QKI: variants seen among roughly 807,000 people sequenced by gnomAD.
QKI encodes KH domain-containing RNA-binding protein QKI.
A neutral mutation model predicts 39.0 loss-of-function variants in QKI; 10 were observed. That is an observed-to-expected ratio of 0.26 (90% CI 0.16 to 0.43). The LOEUF (loss-of-function observed/expected upper bound fraction) is 0.43, where lower values mean the gene tolerates loss of function less well. QKI is among the 20% of genes least tolerant of loss of function. QKI has a pLI of 1.00. For missense variants in QKI, 218 were observed against 428.0 expected (o/e 0.51, Z 4.33); for synonymous variants, 204 against 155.4 (o/e 1.31, Z -2.33).
At chr6:163,538,510 G>A (rs1278207597) in intron 4 of QKI, among the ~76,000 whole-genome samples, 1 of 152,162 alleles carries the variant, frequency 6.6e-6, no homozygotes, top group Admixed American at 6.6e-5. Context: ...AGGAGGTGAG[G>A]TCGGTGGGGA....
At chr6:163,459,249 G>A (rs904469523) in intron 2 of QKI, among the ~76,000 whole-genome samples, 24 of 152,258 alleles carry the variant, frequency 1.6e-4, no homozygotes, top group African/African-American at 5.3e-4. Context: ...GGTATAAGGC[G>A]TCTGCTCTTG....
intron 3 of QKI, among the ~76,000 whole-genome samples, chr6:163,496,528 T>TCC (rs2128230188): frequency 6.6e-6 from 1 of 152,280 alleles, no homozygotes; most frequent in South Asian, 2.1e-4. Context: ...TTTCCATTCT[T>TCC]CCGCCCTTTT....
chr6:163,416,680 CAACTT>C (rs1426536213), intron 1 of QKI, among the ~76,000 whole-genome samples: 3 of 152,138 alleles, frequency 2.0e-5, no homozygotes, highest in Admixed American at 6.5e-5. Flanking sequence ...GTCATAGAAA[CAACTT>C]AAAAGTAGAA....
chr6:163,417,797 A>G (rs1787648011), intron 1 of QKI, among the ~76,000 whole-genome samples: 1 of 152,150 alleles, frequency 6.6e-6, no homozygotes, highest in Non-Finnish European at 1.5e-5. Context: ...TGTGTGGCAT[A>G]TAGTATGTTT....
In QKI at chr6:163,500,930, C is replaced by G. The variant is rs137994726; in HGVS notation, c.402+22034C>G. Among the ~76,000 whole-genome samples, 513 of 152,140 alleles carry G rather than the reference C, an allele frequency of 3.4e-3. 7 individuals are homozygous for G. The highest frequency in any genetic ancestry group is 0.025 in the Admixed American group (384 of 15,272). ...TGATACTTATGAAGTACAAATTCTCCCCTCCAATGTATGCGTGATTCTCCA... is the reference window on the plus strand; with the variant it reads ...TGATACTTATGAAGTACAAATTCTCGCCTCCAATGTATGCGTGATTCTCCA... On this transcript the variant is annotated intron_variant, in intron 3 of 7. Transcript: ENST00000361752.
chr6:163,530,706 G>T (rs1251134912), intron 3 of QKI, among the ~76,000 whole-genome samples: 1 of 152,100 alleles, frequency 6.6e-6, no homozygotes, highest in East Asian at 1.9e-4. Flanking sequence ...TCTGAGGCCT[G>T]ATGTGGAAAA....
chr6:163,561,880 C>A, intron 4 of QKI, 102 bp from the exon 5 acceptor site: 1 of 795,976 alleles, frequency 1.3e-6, no homozygotes. Flanking sequence ...AAACAGGTGA[C>A]TGTAGTCACA....
At chr6:163,498,206 AT>A (rs1203709306) in intron 3 of QKI, among the ~76,000 whole-genome samples, 3 of 150,458 alleles carry the variant, frequency 2.0e-5, no homozygotes, top group South Asian at 4.2e-4. Context: ...AAAAAAAAAA[AT>A]GTATATGTGG....
At chr6:163,567,527 A>G in intron 7 of QKI, 1 of 984,382 alleles carries the variant, frequency 1.0e-6, no homozygotes, top group Non-Finnish European at 1.2e-6. Context: ...GTGTGAATAT[A>G]ATTTTTGACT....
chr6:163,528,445 A>G (rs913715459), intron 3 of QKI, among the ~76,000 whole-genome samples: 1 of 152,052 alleles, frequency 6.6e-6, no homozygotes, highest in Non-Finnish European at 1.5e-5. Flanking sequence ...CTGGCTAGGT[A>G]TGGTAGCTTG....
intron 3 of QKI, among the ~76,000 whole-genome samples, chr6:163,509,761 G>T (rs754694498): frequency 6.6e-6 from 1 of 152,022 alleles, no homozygotes; most frequent in African/African-American, 2.4e-5. Context: ...TCAAAGTCCG[G>T]AAGGGAAGCT....
intron 2 of QKI, among the ~76,000 whole-genome samples, chr6:163,468,730 A>G (rs1369864564): frequency 2.6e-5 from 4 of 152,138 alleles, no homozygotes; most frequent in Admixed American, 1.3e-4. Flanking sequence ...TTGGCCTTTA[A>G]AGTTGCACTT....
chr6:163,487,461 T>C (rs1430417343), intron 3 of QKI, among the ~76,000 whole-genome samples: 3 of 152,230 alleles, frequency 2.0e-5, no homozygotes, highest in Admixed American at 6.5e-5. Flanking sequence ...AAATTATTTA[T>C]CCTCAAATAT....
At position 163,563,356 on chromosome 6, in the gene QKI, T is replaced by C. The variant is rs540998826; in HGVS notation, c.635-64T>C. ...TTCCTTTCTTTTTCCTACTCCCTTC[T>C]CATTTTTCCGTATTTTATACTGCTG... is the stretch of plus-strand genomic sequence containing the variant. On this transcript the variant is annotated intron_variant, in intron 5 of 7. Transcript: ENST00000361752. 12 of 1,406,684 alleles carry C rather than the reference T, an allele frequency of 8.5e-6. No individual in the cohort carries two copies. In the South Asian group the frequency reaches 1.5e-4, roughly 18 times the overall value. 87.1% of individuals were successfully genotyped at this position (1,406,684 alleles called of 1,614,324 possible). A position where few individuals can be genotyped will look rare whatever the true frequency, so the allele number is the denominator to read the frequency against.
chr6:163,517,574 C>T (rs1433641144), intron 3 of QKI, among the ~76,000 whole-genome samples: 2 of 152,240 alleles, frequency 1.3e-5, no homozygotes, highest in East Asian at 3.9e-4. Flanking sequence ...AGCACCACCA[C>T]GTCTGGCTTA....
chr6:163,459,355 G>GA (rs1385204005), intron 2 of QKI, among the ~76,000 whole-genome samples: 1 of 152,174 alleles, frequency 6.6e-6, no homozygotes, highest in Non-Finnish European at 1.5e-5. Context: ...CTAAACTTGG[G>GA]AGAGGGGGTA....
intron 3 of QKI, 66 bp from the exon 4 acceptor site, chr6:163,534,916 A>G (rs1781102609): frequency 7.9e-7 from 1 of 1,262,180 alleles, no homozygotes; most frequent in Non-Finnish European, 1.1e-6. Context: ...ACAGGTTAGT[A>G]TTATGAAAGA....
Position 163,554,793 on chromosome 6 carries a change from A to C in QKI, c.547-7189A>C, listed in dbSNP as rs114298434. Among the ~76,000 whole-genome samples, 867 of 152,332 alleles carry C rather than the reference A, an allele frequency of 5.7e-3. 11 individuals are homozygous for C. Among genetic ancestry groups the C allele is most frequent in the African/African-American group, 0.019 (807 of 41,580 alleles). ...ACATAACTCTTTTCATCTCTGTTAC[A>C]ACCTCTACCCCAGTCCAGTTCATCC... On this transcript the variant is annotated intron_variant, in intron 4 of 7. Coordinates refer to ENST00000361752, the MANE Select transcript of QKI (RefSeq NM_006775.3).
intron 3 of QKI, among the ~76,000 whole-genome samples, chr6:163,527,997 C>T (rs532764571): frequency 6.6e-6 from 1 of 152,260 alleles, no homozygotes; most frequent in African/African-American, 2.4e-5. Context: ...GTGAGTCTCT[C>T]ATTTAGGGAG....
Sources: allele counts gnomAD v4.1 joint callset (sites outside exome capture counted in the v4.1 genomes callset), GRCh38; gene constraint gnomAD v4.1.1; transcripts MANE v1.5; gene names NCBI Gene and HGNC (gene_info 2026-07-23, HGNC 2026-07-21).